Variants in LIMA1 observed in about 807,000 individuals in gnomAD.
LIMA1 encodes the protein LIM domain and actin-binding protein 1.
In LIMA1, 52 loss-of-function variants were observed where a neutral mutation model predicts 62.6. That is an observed-to-expected ratio of 0.83 (90% CI 0.67 to 1.05). The LOEUF is 1.05. Among genes scored for constraint, LIMA1 ranks in the 50% least tolerant of loss-of-function variants. The probability of loss-of-function intolerance (pLI) is 0.00; values close to 1 mark genes in which losing one functional copy is unlikely to be tolerated. For synonymous variants in LIMA1, 302 were observed against 317.8 expected (o/e 0.95, Z 0.53); for missense variants, 780 against 902.2 (o/e 0.86, Z 1.74).
At chr12:50,205,904 C>T in intron 5 of LIMA1, 80 bp downstream of exon 5, 1 of 936,036 alleles carries the variant, frequency 1.1e-6, no homozygotes, top group Middle Eastern at 2.4e-4. Flanking sequence ...CCTTTAAAAG[C>T]ATTGGCTTCG....
Position 50,272,158 on chromosome 12 carries a change from G to A in LIMA1, c.-24+11262C>T, listed in dbSNP as rs140644177. ...ATTCTTATCTGAAATTTTAGATGATGTGCTGTTTTTCAGGACTTGCTCAAT... is the reference window on the plus strand; with the variant it reads ...ATTCTTATCTGAAATTTTAGATGATATGCTGTTTTTCAGGACTTGCTCAAT... On this transcript the variant is annotated intron_variant, in intron 1 of 10. Transcript: ENST00000341247. 5.2e-3 allele frequency among the ~76,000 whole-genome samples: 797 copies of A among 152,206 alleles called. 6 individuals are homozygous for A. The highest frequency in any genetic ancestry group is 9.0e-3 in the Non-Finnish European group (610 of 68,022).
At chr12:50,259,897 C>T (rs991875641) in intron 1 of LIMA1, among the ~76,000 whole-genome samples, 1 of 152,152 alleles carries the variant, frequency 6.6e-6, no homozygotes, top group Non-Finnish European at 1.5e-5. Context: ...CCTTCAAAAA[C>T]ACTAAGACCC....
intron 1 of LIMA1, among the ~76,000 whole-genome samples, chr12:50,254,369 T>C (rs1941967426): frequency 6.6e-6 from 1 of 152,208 alleles, no homozygotes; most frequent in African/African-American, 2.4e-5. Context: ...TTTTTTTCAT[T>C]AAGAAAGTAG....
chr12:50,189,237 C>T (rs1940697679), intron 9 of LIMA1: 1 of 152,154 alleles, frequency 6.6e-6, no homozygotes, highest in Non-Finnish European at 1.5e-5. Flanking sequence ...TTATCTTTTT[C>T]ACCTTGCTCA....
intron 9 of LIMA1, 50 bp downstream of exon 9, chr12:50,192,402 T>C (rs1455259463): frequency 8.2e-7 from 1 of 1,217,548 alleles, no homozygotes; most frequent in African/African-American, 1.5e-5. Context: ...TACAATTAGC[T>C]CTACCAGTAG....
chr12:50,196,846 C>A (rs79934390), intron 7 of LIMA1, among the ~76,000 whole-genome samples: 4 of 152,064 alleles, frequency 2.6e-5, no homozygotes, highest in African/African-American at 4.8e-5. Context: ...TAAAATAAAC[C>A]GGTACAATCA....
chr12:50,203,502 C>T (rs138533631), intron 6 of LIMA1, among the ~76,000 whole-genome samples: 40 of 151,946 alleles, frequency 2.6e-4, no homozygotes, highest in African/African-American at 8.7e-4. Flanking sequence ...CAACCTCTGC[C>T]TCCTGGGTTC....
intron 1 of LIMA1, among the ~76,000 whole-genome samples, chr12:50,272,419 G>A (rs1041066789): frequency 2.0e-5 from 3 of 151,324 alleles, no homozygotes; most frequent in Non-Finnish European, 2.9e-5. Flanking sequence ...GAGAAACGCC[G>A]TCTGTACCAA....
At chr12:50,257,740 G>C (rs993057913) in intron 1 of LIMA1, among the ~76,000 whole-genome samples, 1 of 152,122 alleles carries the variant, frequency 6.6e-6, no homozygotes, top group African/African-American at 2.4e-5. Flanking sequence ...CACACCCTTA[G>C]TTCAGTCTTA....
chr12:50,213,859 A>G (rs1941298956), intron 4 of LIMA1, among the ~76,000 whole-genome samples: 1 of 152,178 alleles, frequency 6.6e-6, no homozygotes, highest in African/African-American at 2.4e-5. Flanking sequence ...CTATAATGAA[A>G]CTGGTTAAAA....
intron 1 of LIMA1, chr12:50,256,228 A>C (rs1001978563): frequency 1.1e-4 from 16 of 151,400 alleles, no homozygotes; most frequent in East Asian, 3.9e-4. Context: ...TTTTTTTTAA[A>C]CTTTTTTTTT....
chr12:50,199,505 G>A (rs895438070), intron 7 of LIMA1, among the ~76,000 whole-genome samples: 3 of 152,110 alleles, frequency 2.0e-5, no homozygotes, highest in African/African-American at 7.2e-5. Flanking sequence ...GAGGAAGTCA[G>A]GTTAAATATC....
Position 50,178,018 on chromosome 12 carries a change from G to T in LIMA1, c.1326C>A (p.Phe442Leu). ...TGCCCTTAGATTTAAAGAGTTGATT[G>T]AAGTGAGGCTTACAATAGATTCTTC... Reference protein sequence around the residue: ...LHGRIYCKPHFNQLFKSKGNY... With the variant: ...LHGRIYCKPHLNQLFKSKGNY... The change falls in exon 11 of 11, where the codon TTC becomes TTA. Residue 442 changes from phenylalanine to leucine, a missense_variant. Physicochemically the swap from Phe to Leu is conservative, Grantham distance 22. Transcript: ENST00000341247. The T allele has an allele frequency of 6.3e-7, 1 of 1,582,296 alleles. No homozygotes were observed. Among genetic ancestry groups the T allele is most frequent in the Non-Finnish European group, 8.6e-7 (1 of 1,168,060 alleles).
intron 7 of LIMA1, among the ~76,000 whole-genome samples, chr12:50,198,175 A>T (rs1215739228): frequency 6.6e-6 from 1 of 152,172 alleles, no homozygotes. Context: ...GCTTTGATCC[A>T]AGAGTAGTAT....
chr12:50,280,144 A>ATTTTTTTTTTTTTTTTTTTTTTTTTTT (rs71441354), intron 1 of LIMA1, among the ~76,000 whole-genome samples: 2 of 68,266 alleles, frequency 2.9e-5, no homozygotes, highest in African/African-American at 1.2e-4. Flanking sequence ...GGGTAGTAGT[A>ATTTTTTTTTTTTTTTTTTTTTTTTTTT]TTTTTTTTTT....
chr12:50,264,572 T>C (rs907761305), intron 1 of LIMA1, among the ~76,000 whole-genome samples: 1 of 152,150 alleles, frequency 6.6e-6, no homozygotes, highest in African/African-American at 2.4e-5. Flanking sequence ...GTTTACCAGA[T>C]GCATGGCAAC....
intron 1 of LIMA1, among the ~76,000 whole-genome samples, chr12:50,276,866 T>C (rs1490552140): frequency 1.3e-5 from 2 of 149,820 alleles, no homozygotes; most frequent in Admixed American, 1.3e-4. Context: ...TGACACACTG[T>C]CTCAAAAAAA....
chr12:50,264,769 AG>A (rs771674940), intron 1 of LIMA1, among the ~76,000 whole-genome samples: 41 of 152,332 alleles, frequency 2.7e-4, no homozygotes, highest in Non-Finnish European at 5.0e-4. Context: ...ATTATTCTAA[AG>A]GTTCAGATAC....
intron 3 of LIMA1, among the ~76,000 whole-genome samples, chr12:50,227,094 A>G (rs1044570877): frequency 6.6e-6 from 1 of 152,010 alleles, no homozygotes; most frequent in Non-Finnish European, 1.5e-5. Context: ...ATAGATGTAT[A>G]CTGTGTATCT....
Sources: allele counts gnomAD v4.1 joint callset (sites outside exome capture counted in the v4.1 genomes callset), GRCh38; gene constraint gnomAD v4.1.1; transcripts MANE v1.5; gene names NCBI Gene and HGNC (gene_info 2026-07-23, HGNC 2026-07-21).